QSOX2: variants seen among roughly 807,000 people sequenced by gnomAD.
QSOX2 encodes the protein sulfhydryl oxidase 2.
A neutral mutation model predicts 61.7 loss-of-function variants in QSOX2; 46 were observed. The observed-to-expected ratio is 0.75, with a 90% CI of 0.59 to 0.95. QSOX2 has a LOEUF of 0.95. Ranked by LOEUF, QSOX2 falls within the 40% of genes least tolerant of loss-of-function variation. QSOX2 has a pLI of 0.00. For missense variants in QSOX2, 879 were observed against 918.9 expected, an observed-to-expected ratio of 0.96 and a Z score of 0.56; for synonymous variants, 383 against 388.4, an observed-to-expected ratio of 0.99 and a Z score of 0.16.
chr9:136,245,633 G>C lies in QSOX2; in HGVS notation c.171C>G (p.Arg57=), dbSNP rs1554758439. ...GCACCCACACGGCGTCCTCGCCCGC[G>C]CGGTACAGCCGCGCCGCACCGCCCG... ...PGAGGAARLY[R]AGEDAVWVLD... is the part of the protein sequence containing the mutation. The change falls in exon 1 of 12, where the codon CGC becomes CGG. Residue 57 remains arginine, a synonymous_variant. Coordinates refer to ENST00000358701, the MANE Select transcript of QSOX2 (RefSeq NM_181701.4). The C allele has an allele frequency of 6.7e-6, 10 of 1,485,180 alleles. No individual in the cohort carries two copies. In the South Asian group the frequency reaches 1.3e-4, roughly 19 times the overall value. 92.0% of individuals were successfully genotyped at this position (1,485,180 alleles called of 1,614,324 possible). A position where few individuals can be genotyped will look rare whatever the true frequency, so the allele number is the denominator to read the frequency against.
chr9:136,241,763 A>G (rs1564299257), intron 1 of QSOX2, among the ~76,000 whole-genome samples: 1 of 152,160 alleles, frequency 6.6e-6, no homozygotes, highest in East Asian at 1.9e-4. Context: ...TATCATCTAC[A>G]ACATAAGCGT....
chr9:136,237,112 ACACCTGGAGCCCATCCTGGGCCGGCGT>A (rs1303626544), intron 1 of QSOX2, among the ~76,000 whole-genome samples: 2 of 105,782 alleles, frequency 1.9e-5, no homozygotes, highest in Non-Finnish European at 3.7e-5. Flanking sequence ...GTCTTGTGCC[ACACCTGGAGCCCATCCTGGGCCGGCGT>A]CACCTGGAGC....
In QSOX2 at chr9:136,222,127, C is replaced by A. The variant is rs990279141; in HGVS notation, c.676-186G>T. Among the ~76,000 whole-genome samples, 1 of 152,204 alleles carries A rather than the reference C, an allele frequency of 6.6e-6. No individual in the cohort carries two copies. The highest frequency in any genetic ancestry group is 2.4e-5 in the African/African-American group (1 of 41,442). ...TTTAAGGCAACTGACGGCACACACGCCATGAGCAGAAACCACGGTCTTATT... is the reference window on the plus strand; with the variant it reads ...TTTAAGGCAACTGACGGCACACACGACATGAGCAGAAACCACGGTCTTATT... On this transcript the variant is annotated intron_variant, in intron 5 of 11. Coordinates refer to ENST00000358701, the MANE Select transcript of QSOX2 (RefSeq NM_181701.4). This position sits in a 1 kb window ranked among gnomAD's most constrained non-coding sequence, Gnocchi z 6.9.
chr9:136,239,979 C>G (rs934657109), intron 1 of QSOX2, among the ~76,000 whole-genome samples: 1 of 152,248 alleles, frequency 6.6e-6, no homozygotes. Context: ...CCTCATTCAA[C>G]GGGTACCCTC....
chr9:136,210,471 C>G (rs61482805), intron 11 of QSOX2: 303,890 of 985,218 alleles, frequency 0.31, 48,971 homozygotes, highest in South Asian at 0.35. Flanking sequence ...GCCGAGGGCT[C>G]GGGGAAAGCA....
In QSOX2 at chr9:136,209,479, T is replaced by A; in HGVS notation, c.1550-204A>T. 1.0e-6 allele frequency: 1 copy of A among 985,374 alleles called. No homozygotes were observed. Among genetic ancestry groups the A allele is most frequent in the Middle Eastern group, 5.2e-4 (1 of 1,914 alleles). The allele number at this position is 985,374 out of a possible 1,614,324, so 61.0% of individuals were successfully genotyped here. A position where few individuals can be genotyped will look rare whatever the true frequency, so the allele number is the denominator to read the frequency against. On this transcript the variant is annotated intron_variant, in intron 11 of 11. Transcript: ENST00000358701. The surrounding 1 kb of genome is among the most constrained non-coding windows in gnomAD (Gnocchi z 5.6). ...ATAACATCCTGCTTCTGCAGGCCCC[T>A]GCGCACGTGTTCCCCTCTGCCGGTT...
chr9:136,216,656 G>A lies in QSOX2; in HGVS notation c.1153C>T (p.Pro385Ser). 1 of 1,613,840 alleles carries A rather than the reference G, an allele frequency of 6.2e-7. No homozygotes were observed. Among genetic ancestry groups the A allele is most frequent in the East Asian group, 2.2e-5 (1 of 44,872 alleles). The change falls in exon 9 of 12, where the codon CCC becomes TCC. Residue 385 changes from proline to serine, a missense_variant. Physicochemically the swap from Pro to Ser is moderately conservative, Grantham distance 74. Coordinates refer to ENST00000358701, the MANE Select transcript of QSOX2 (RefSeq NM_181701.4). ...EMLQEWLASL[P>S]LDRIPYNAVL... is the part of the protein sequence containing the mutation. ...GCGTTGTAGGGGATCCTGTCCAGGG[G>A]AAGGCTGGCCAGCCACTCCTGCAGC...
intron 1 of QSOX2, 84 bp downstream of exon 1, chr9:136,245,392 C>G (rs936553956): frequency 1.7e-6 from 2 of 1,198,856 alleles, no homozygotes; most frequent in Middle Eastern, 2.7e-4. Context: ...GGCCCCGGGA[C>G]CCGCCTTCTG....
At chr9:136,218,940 T>A in intron 7 of QSOX2, 90 bp downstream of exon 7, 3 of 1,570,936 alleles carry the variant, frequency 1.9e-6, no homozygotes, top group Admixed American at 3.5e-5. Flanking sequence ...CTGGCTGGGG[T>A]GGGTTTCTGA....
chr9:136,242,772 C>G (rs1830442693), intron 1 of QSOX2, among the ~76,000 whole-genome samples: 1 of 152,246 alleles, frequency 6.6e-6, no homozygotes, highest in Non-Finnish European at 1.5e-5. Flanking sequence ...TTTGAGAGTC[C>G]CAGCCTTAGA....
intron 9 of QSOX2, 79 bp from the exon 10 acceptor site, chr9:136,215,383 T>G: frequency 1.5e-5 from 10 of 685,442 alleles, no homozygotes; most frequent in Non-Finnish European, 1.7e-5. Context: ...AGCTGCCTTC[T>G]TGACTGGGGG....
Position 136,226,890 on chromosome 9 carries a change from A to G in QSOX2, c.329-16T>C. 6.2e-7 allele frequency: 1 copy of G among 1,611,492 alleles called. No individual in the cohort carries two copies. Among genetic ancestry groups the G allele is most frequent in the Non-Finnish European group, 8.5e-7 (1 of 1,177,650 alleles). Reference sequence around the variant, plus strand: ...CTGGCCCAGTCTGAAAAGCAGGAGCATGACCTTCAGTGTGGTGAGCACTGG... The same window carrying G: ...CTGGCCCAGTCTGAAAAGCAGGAGCGTGACCTTCAGTGTGGTGAGCACTGG... On this transcript the variant is annotated splice_polypyrimidine_tract_variant and intron_variant, in intron 1 of 11. Coordinates refer to ENST00000358701, the MANE Select transcript of QSOX2 (RefSeq NM_181701.4).
At chr9:136,231,871 A>C (rs12340654) in intron 1 of QSOX2, among the ~76,000 whole-genome samples, 16,328 of 147,768 alleles carry the variant, frequency 0.11, 1,638 homozygotes, top group African/African-American at 0.26. Context: ...AGGGCCGGCA[A>C]TCCGCCCCCT....
intron 10 of QSOX2, among the ~76,000 whole-genome samples, chr9:136,214,443 C>T (rs776388036): frequency 6.6e-6 from 1 of 152,316 alleles, no homozygotes; most frequent in East Asian, 1.9e-4. Flanking sequence ...GGATAGGCAC[C>T]CTCTCACTGG....
At chr9:136,235,628 G>A (rs565214795) in intron 1 of QSOX2, among the ~76,000 whole-genome samples, 1 of 152,374 alleles carries the variant, frequency 6.6e-6, no homozygotes, top group East Asian at 1.9e-4. Context: ...TCTGAGTGAA[G>A]GAAGACGGTG....
At chr9:136,231,468 G>A (rs1194417604) in intron 1 of QSOX2, among the ~76,000 whole-genome samples, 1 of 152,218 alleles carries the variant, frequency 6.6e-6, no homozygotes, top group Non-Finnish European at 1.5e-5. Flanking sequence ...CTTTGCAAAA[G>A]CAAAAGATCT....
At chr9:136,212,412 G>A (rs926990198) in intron 10 of QSOX2, among the ~76,000 whole-genome samples, 1 of 152,250 alleles carries the variant, frequency 6.6e-6, no homozygotes, top group Admixed American at 6.5e-5. Flanking sequence ...CCGCGTGAGT[G>A]CAGGCCTGAC....
chr9:136,226,694 G>A (rs542305660), intron 2 of QSOX2, 80 bp downstream of exon 2: 225 of 1,184,818 alleles, frequency 1.9e-4, no homozygotes, highest in Non-Finnish European at 2.8e-4. Flanking sequence ...AATTTCAACA[G>A]ACAAGCAGCC....
At position 136,215,186 on chromosome 9, in the gene QSOX2, G is replaced by T; in HGVS notation, c.1328C>A (p.Ala443Asp). ...AACCAGTGCATCTGGGTGGGTCGAGGCTTCAACAGTCAAAGTGTGGAACAG... is the reference window on the plus strand; with the variant it reads ...AACCAGTGCATCTGGGTGGGTCGAGTCTTCAACAGTCAAAGTGTGGAACAG... Reference protein sequence around the residue: ...WKLFHTLTVEASTHPDALVGT... With the variant: ...WKLFHTLTVEDSTHPDALVGT... The change falls in exon 10 of 12, where the codon GCC becomes GAC. Residue 443 changes from alanine to aspartate, a missense_variant. By Grantham distance (126) the Ala-to-Asp change is moderately radical. Coordinates refer to ENST00000358701, the MANE Select transcript of QSOX2 (RefSeq NM_181701.4). 1 of 1,614,080 alleles carries T rather than the reference G, an allele frequency of 6.2e-7. No individual in the cohort carries two copies. The highest frequency in any genetic ancestry group is 1.1e-5 in the South Asian group (1 of 91,080).
Sources: allele counts gnomAD v4.1 joint callset (sites outside exome capture counted in the v4.1 genomes callset), GRCh38; gene constraint gnomAD v4.1.1; non-coding constraint Gnocchi (gnomAD v3.1); transcripts MANE v1.5; gene names NCBI Gene and HGNC (gene_info 2026-07-23, HGNC 2026-07-21).